Variants in ADAM15 observed in about 807,000 individuals in gnomAD.
ADAM15 encodes ADAM metallopeptidase domain 15, also known as disintegrin and metalloproteinase domain-containing protein 15.
A neutral mutation model predicts 113.8 loss-of-function variants in ADAM15; 77 were observed. The observed-to-expected ratio is 0.68, with a 90% CI of 0.56 to 0.82. The LOEUF (loss-of-function observed/expected upper bound fraction) is 0.82. Ranked by LOEUF, ADAM15 falls within the 40% of genes least tolerant of loss-of-function variation. The pLI, the probability that ADAM15 is intolerant of heterozygous loss-of-function variation, is 0.00. For synonymous variants in ADAM15, 388 were observed against 454.1 expected, an observed-to-expected ratio of 0.85 and a Z score of 1.85; for missense variants, 963 against 1,120.1, an observed-to-expected ratio of 0.86 and a Z score of 2.00.
In ADAM15 at chr1:155,058,382, G is replaced by A; in HGVS notation, c.1858G>A (p.Gly620Ser). Residue 620 changes from glycine to serine, a missense_variant, in exon 15 of 23, where the codon GGC becomes AGC. Gly to Ser is a moderately conservative substitution (Grantham distance 56). Transcript: ENST00000356955. The surrounding 1 kb of genome is among the most constrained non-coding windows in gnomAD (Gnocchi z 4.3). ...LNCSWVHLDL[G>S]SDVAQPLLTL... ...CTGCAGCTGGGTGCACCTGGACCTG[G>A]GCAGTGATGTGGCCCAGCCCCTCCT... The A allele has an allele frequency of 1.9e-6, 3 of 1,613,794 alleles. No homozygotes were observed. The highest frequency in any genetic ancestry group is 2.5e-6 in the Non-Finnish European group (3 of 1,180,042).
rs1662590598 is a variant in ADAM15 at position 155,061,443 on chromosome 1, C to T, written c.2306C>T (p.Pro769Leu). Reference protein sequence around the residue: ...KQASALSFPAPPSRPLPPDPV... With the variant: ...KQASALSFPALPSRPLPPDPV... ...GCTAGTGCTCTCAGCTTCCCGGCCC[C>T]CCCTTCCAGGCCGCTGCCGCCTGAC... The change falls in exon 20 of 23, where the codon CCC becomes CTC. Residue 769 changes from proline (P) to leucine (L), a missense_variant. Physicochemically the swap from Pro to Leu is moderately conservative, Grantham distance 98 (BLOSUM62 -3). Coordinates refer to ENST00000356955, the MANE Select transcript of ADAM15 (RefSeq NM_207197.3). 1 of 1,613,800 alleles carries T rather than the reference C, an allele frequency of 6.2e-7. No individual in the cohort carries two copies. Among genetic ancestry groups the T allele is most frequent in the African/African-American group, 1.3e-5 (1 of 74,912 alleles).
rs753271272 is a variant in ADAM15, at chr1:155,056,992, G to T, written c.1039G>T (p.Ala347Ser). 30 of 1,602,916 alleles carry T rather than the reference G, an allele frequency of 1.9e-5. No individual in the cohort carries two copies. The South Asian group carries it at 3.3e-4, about 18-fold the overall frequency. The change falls in exon 11 of 23, where the codon GCC (alanine) becomes TCC (serine). Residue 347 changes from alanine to serine, a missense_variant. Transcript: ENST00000356955. The surrounding 1 kb of genome is among the most constrained non-coding windows in gnomAD (Gnocchi z 4.0). The part of the protein sequence containing the change: ...TSILGVASSI[A>S]HELGHSLGLD... ...CATCCTGGGAGTCGCCTCCTCCATA[G>T]CCCATGAGTTGGGCCACAGCCTGGG...
intron 2 of ADAM15, 103 bp from the exon 3 acceptor site, chr1:155,053,314 A>T (rs112244639): frequency 9.7e-7 from 1 of 1,035,416 alleles, no homozygotes. Context: ...CCCACCAGTG[A>T]TCTAATTGCT....
chr1:155,052,911 TG>T (rs1661270393), intron 2 of ADAM15, 134 bp downstream of exon 2: 1 of 1,217,648 alleles, frequency 8.2e-7, no homozygotes, highest in Admixed American at 2.6e-5. Context: ...CAGGCCCAGC[TG>T]CCTCTCCCAC....
intron 1 of ADAM15, chr1:155,052,458 C>G (rs1571588480): frequency 6.6e-7 from 1 of 1,512,934 alleles, no homozygotes; most frequent in African/African-American, 1.4e-5. Flanking sequence ...TTCTTGGGGA[C>G]TTGTGAATGG....
At position 155,059,897 on chromosome 1, in the gene ADAM15, C is replaced by T; in HGVS notation, c.1996-5C>T. ...GCTCCTCATTGCTCGCCTTGTACCT[C>T]CTAGGTCTGTGACAGCAACAGGCAC... On this transcript the variant is annotated splice_polypyrimidine_tract_variant and splice_region_variant and intron_variant, in intron 16 of 22. Transcript: ENST00000356955. The T allele has an allele frequency of 1.2e-6, 2 of 1,613,840 alleles. No homozygotes were observed. Among genetic ancestry groups the T allele is most frequent in the Non-Finnish European group, 1.7e-6 (2 of 1,179,830 alleles).
intron 1 of ADAM15, chr1:155,052,170 G>T: frequency 3.7e-6 from 1 of 268,722 alleles, no homozygotes; most frequent in South Asian, 5.3e-5. Flanking sequence ...AGAGGCTGTA[G>T]GCAGCGGGTG....
Position 155,061,330 on chromosome 1 carries a change from C to T in ADAM15, c.2278-85C>T, listed in dbSNP as rs1292452711. On this transcript the variant is annotated intron_variant, in intron 19 of 22. Coordinates refer to ENST00000356955, the MANE Select transcript of ADAM15 (RefSeq NM_207197.3). Reference sequence around the variant, plus strand: ...CTGCCCTGGGCCCCTGCTGGCCCCCCCTGGGCACTGACCCTTCCCTGCCCA... The same window carrying T: ...CTGCCCTGGGCCCCTGCTGGCCCCCTCTGGGCACTGACCCTTCCCTGCCCA... 6 of 1,008,852 alleles carry T rather than the reference C, an allele frequency of 5.9e-6. No homozygotes were observed. In the East Asian group the frequency reaches 1.5e-4, roughly 25 times the overall value. The allele number at this position is 1,008,852 out of a possible 1,614,324, so 62.5% of individuals were successfully genotyped here.
Position 155,058,852 on chromosome 1 carries a change from CTTTGGAAATAGACATATCTGGG to C in ADAM15, c.1995+69_1995+90del. On this transcript the variant is annotated intron_variant, in intron 16 of 22. Coordinates refer to ENST00000356955, the MANE Select transcript of ADAM15 (RefSeq NM_207197.3). This position sits in a 1 kb window ranked among gnomAD's most constrained non-coding sequence, Gnocchi z 4.3. The stretch of plus-strand genomic sequence containing the variant: ...CTCTAGAGAGGAAAAGGATACTGGG[CTTTGGAAATAGACATATCTGGG>C]TTTTAATCCTTGCTCTACTACTTCC... 6.6e-7 allele frequency: 1 copy of C among 1,515,140 alleles called. No individual in the cohort carries two copies. Among genetic ancestry groups the C allele is most frequent in the Non-Finnish European group, 8.8e-7 (1 of 1,130,694 alleles). The allele number at this position is 1,515,140 out of a possible 1,614,324, so 93.9% of individuals were successfully genotyped here. A position where few individuals can be genotyped will look rare whatever the true frequency, so the allele number is the denominator to read the frequency against.
In ADAM15 at chr1:155,055,823, G is replaced by A. The variant is rs115753757; in HGVS notation, c.646G>A (p.Glu216Lys). ...TGTGGTAACAGAGACCAAGACTGTG[G>A]AGTTGGTGATTGTGGCTGATCACTC... The part of the protein sequence containing the change: ...RDVVTETKTV[E>K]LVIVADHSEA... The change falls in exon 7 of 23, where the codon GAG becomes AAG. Residue 216 changes from glutamate (E) to lysine (K), a missense_variant. By Grantham distance (56) the Glu-to-Lys change is moderately conservative. Coordinates refer to ENST00000356955, the MANE Select transcript of ADAM15 (RefSeq NM_207197.3). 1.2e-4 allele frequency: 201 copies of A among 1,614,234 alleles called. No homozygotes were observed. The East Asian group carries it at 2.9e-3, about 23-fold the overall frequency.
Position 155,060,762 on chromosome 1 carries a change from G to A in ADAM15, c.2208-1G>A. On this transcript the variant is annotated splice_acceptor_variant, in intron 18 of 22. Coordinates refer to ENST00000356955, the MANE Select transcript of ADAM15 (RefSeq NM_207197.3). LOFTEE classifies it high-confidence loss of function. The stretch of plus-strand genomic sequence containing the variant: ...CCCTTCTTGCCTTTCCTCATGCATA[G>A]GGCAGCCCAATCTGGTCCCTCTGAA... 1 of 1,613,772 alleles carries A rather than the reference G, an allele frequency of 6.2e-7. No individual in the cohort carries two copies. The highest frequency in any genetic ancestry group is 1.1e-5 in the South Asian group (1 of 91,090).
chr1:155,060,476 C>A, intron 18 of ADAM15, 133 bp downstream of exon 18: 3 of 1,249,238 alleles, frequency 2.4e-6, no homozygotes, highest in South Asian at 1.4e-5. Context: ...GACTGCCATA[C>A]CCCACACCTC....
rs1662126755 is a variant in ADAM15 at position 155,058,709 on chromosome 1, G to A, written c.1918-1G>A. 6.2e-7 allele frequency: 1 copy of A among 1,613,294 alleles called. No individual in the cohort carries two copies. Among genetic ancestry groups the A allele is most frequent in the African/African-American group, 1.3e-5 (1 of 74,878 alleles). ...TCCAGGCTCTTCTCTCCCTGGGTCAGGTGTGTATAGACCATCGATGCCAGC... is the reference window on the plus strand; with the variant it reads ...TCCAGGCTCTTCTCTCCCTGGGTCAAGTGTGTATAGACCATCGATGCCAGC... On this transcript the variant is annotated splice_acceptor_variant, in intron 15 of 22. Transcript: ENST00000356955. LOFTEE classifies it high-confidence loss of function. The surrounding 1 kb of genome is among the most constrained non-coding windows in gnomAD (Gnocchi z 4.3).
chr1:155,052,864 G>A, intron 2 of ADAM15, 87 bp downstream of exon 2: 1 of 1,499,124 alleles, frequency 6.7e-7, no homozygotes, highest in East Asian at 2.5e-5. Context: ...CTTGGCTGAG[G>A]AGCTGGTGGG....
intron 6 of ADAM15, among the ~76,000 whole-genome samples, chr1:155,054,865 G>A (rs1029197524): frequency 2.6e-5 from 4 of 151,912 alleles, no homozygotes; most frequent in East Asian, 1.9e-4. Flanking sequence ...GTGAGACCTC[G>A]TCTCAAAAAA....
chr1:155,053,925 C>T lies in ADAM15; in HGVS notation c.279C>T (p.Gly93=), dbSNP rs1214959161. 3 of 1,613,992 alleles carry T rather than the reference C, an allele frequency of 1.9e-6. No individual in the cohort carries two copies. Among genetic ancestry groups the T allele is most frequent in the Admixed American group, 1.7e-5 (1 of 59,982 alleles). The change falls in exon 4 of 23, where the codon GGC becomes GGT. Residue 93 remains glycine (G), a synonymous_variant. Transcript: ENST00000356955. ...CACTCCACAGGGAGTTGGTCCCAGG[C>T]CGCCCAACCCTGGTGTGGTACCAGC... ...ELLQNRELVP[G]RPTLVWYQPD...
chr1:155,062,020 G>A lies in ADAM15; in HGVS notation c.2424+45G>A. The A allele has an allele frequency of 6.7e-7, 1 of 1,502,544 alleles. No individual in the cohort carries two copies. Among genetic ancestry groups the A allele is most frequent in the African/African-American group, 1.4e-5 (1 of 71,190 alleles). 93.1% of individuals were successfully genotyped at this position (1,502,544 alleles called of 1,614,324 possible). ...AGGGCACGGCCTCTCCCCCCACCTA[G>A]GGCTGTGGTGCTGGTAGCCATGACG... On this transcript the variant is annotated intron_variant, in intron 21 of 22. Transcript: ENST00000356955. This position sits in a 1 kb window ranked among gnomAD's most constrained non-coding sequence, Gnocchi z 7.0.
rs1660981541 is a variant in ADAM15 at position 155,051,370 on chromosome 1, C to G, written c.-17C>G. Reference sequence around the variant, plus strand: ...TTCCGCACTTGCTGCCCTCGCCCGGCCCGGAGCGCCGCTGCCATGCGGCTG... The same window carrying G: ...TTCCGCACTTGCTGCCCTCGCCCGGGCCGGAGCGCCGCTGCCATGCGGCTG... On this transcript the variant is annotated 5_prime_UTR_variant, in exon 1 of 23. Transcript: ENST00000356955. The G allele has an allele frequency of 6.7e-7, 1 of 1,494,726 alleles. No individual in the cohort carries two copies. Among genetic ancestry groups the G allele is most frequent in the Admixed American group, 2.4e-5 (1 of 41,212 alleles). The allele number at this position is 1,494,726 out of a possible 1,614,324, so 92.6% of individuals were successfully genotyped here.
chr1:155,056,449 C>T lies in ADAM15; in HGVS notation c.978C>T (p.Asp326=), dbSNP rs1661773765. 1 of 1,613,912 alleles carries T rather than the reference C, an allele frequency of 6.2e-7. No individual in the cohort carries two copies. Among genetic ancestry groups the T allele is most frequent in the South Asian group, 1.1e-5 (1 of 91,086 alleles). The change falls in exon 10 of 23, where the codon GAC becomes GAT. Residue 326 remains aspartate (D), a synonymous_variant. Coordinates refer to ENST00000356955, the MANE Select transcript of ADAM15 (RefSeq NM_207197.3). The surrounding 1 kb of genome is among the most constrained non-coding windows in gnomAD (Gnocchi z 4.0). ...TTCAGAACTCCATCTGTTCTCCTGA[C>T]TTCTCAGGAGGTGTGAACATGGTGA... ...MAIQNSICSP[D]FSGGVNMDHS...
Sources: gnomAD v4.1 joint callset for allele counts (sites outside exome capture counted in the v4.1 genomes callset) on GRCh38, gnomAD v4.1.1 for gene constraint, Gnocchi (gnomAD v3.1) non-coding constraint, MANE v1.5 for transcripts, NCBI Gene and HGNC (gene_info 2026-07-23, HGNC 2026-07-21) for gene names.